KCNT2: variants seen among roughly 807,000 people sequenced by gnomAD.
KCNT2 encodes potassium channel subfamily T member 2.
Under a neutral mutation model 153.8 loss-of-function variants are expected in KCNT2, and 67 were observed. The observed-to-expected ratio is 0.44, with a 90% CI of 0.36 to 0.53. The LOEUF (loss-of-function observed/expected upper bound fraction) is 0.53. Ranked by LOEUF, KCNT2 falls within the 20% of genes least tolerant of loss-of-function variation. KCNT2 has a pLI of 0.00. For synonymous variants in KCNT2, 500 were observed against 458.8 expected, an observed-to-expected ratio of 1.09 and a Z score of -1.15; for missense variants, 975 against 1,354.8, an observed-to-expected ratio of 0.72 and a Z score of 4.40.
chr1:196,388,300 A>G (rs1375245946), intron 13 of KCNT2, among the ~76,000 whole-genome samples: 1 of 151,722 alleles, frequency 6.6e-6, no homozygotes, highest in Non-Finnish European at 1.5e-5. Context: ...TGTCTTTAAT[A>G]CTTTAGTATT....
At chr1:196,342,344 C>A (rs1665722515) in intron 14 of KCNT2, 116 bp from the exon 15 acceptor site, 1 of 742,906 alleles carries the variant, frequency 1.3e-6, no homozygotes, top group Admixed American at 3.7e-5. Context: ...CAAGCACAAT[C>A]CAAAGGAGCA....
chr1:196,435,139 G>GTGTATA (rs1553326057), intron 8 of KCNT2, among the ~76,000 whole-genome samples: 2 of 45,722 alleles, frequency 4.4e-5, no homozygotes, highest in African/African-American at 1.8e-4. Flanking sequence ...GTGTGTGTAT[G>GTGTATA]TATATATATA....
chr1:196,581,039 A>G lies in KCNT2; in HGVS notation c.95+27176T>C, dbSNP rs558039935. ...ACAGGTAATTTCTTCTCAAGAAATC[A>G]TCTTGACTATAGCTGCTACAGCTAT... On this transcript the variant is annotated intron_variant, in intron 1 of 27. Transcript: ENST00000294725. Among the ~76,000 whole-genome samples the G allele has an allele frequency of 8.5e-5, 13 of 152,290 alleles. No homozygotes were observed. The East Asian group carries it at 1.2e-3, about 14-fold the overall frequency.
In KCNT2 at chr1:196,316,876, T is replaced by A. The variant is rs1662778232; in HGVS notation, c.2349-850A>T. ...ACTAGAAAAGTAGAACTGAATTGGATAATGGAGACTAAACTTGAATGAGTA... is the reference window on the plus strand; with the variant it reads ...ACTAGAAAAGTAGAACTGAATTGGAAAATGGAGACTAAACTTGAATGAGTA... On this transcript the variant is annotated intron_variant, in intron 20 of 27. Transcript: ENST00000294725. 2.0e-5 allele frequency among the ~76,000 whole-genome samples: 3 copies of A among 151,726 alleles called. No individual in the cohort carries two copies. The South Asian group carries it at 6.2e-4, about 31-fold the overall frequency.
chr1:196,563,281 T>C (rs1659657266), intron 1 of KCNT2, among the ~76,000 whole-genome samples: 1 of 151,768 alleles, frequency 6.6e-6, no homozygotes, highest in African/African-American at 2.4e-5. Context: ...TTCCAATCAC[T>C]AGTAATGAAG....
chr1:196,339,566 G>A (rs1665410765), intron 16 of KCNT2, among the ~76,000 whole-genome samples: 1 of 151,586 alleles, frequency 6.6e-6, no homozygotes, highest in South Asian at 2.1e-4. Flanking sequence ...GAGACACAGA[G>A]AGAGAGAGAT....
intron 1 of KCNT2, among the ~76,000 whole-genome samples, chr1:196,579,639 T>C (rs1170006760): frequency 1.3e-5 from 2 of 151,896 alleles, no homozygotes; most frequent in Non-Finnish European, 2.9e-5. Flanking sequence ...ATTACAAGCA[T>C]GTGCCACCAC....
intron 14 of KCNT2, among the ~76,000 whole-genome samples, chr1:196,372,460 A>C (rs779084150): frequency 5.9e-5 from 9 of 151,924 alleles, no homozygotes; most frequent in Non-Finnish European, 1.0e-4. Context: ...AATGAAGTAC[A>C]TTTGTCTCTT....
At chr1:196,294,513 A>T (rs1440093832) in intron 22 of KCNT2, among the ~76,000 whole-genome samples, 3 of 151,890 alleles carry the variant, frequency 2.0e-5, no homozygotes, top group Non-Finnish European at 2.9e-5. Context: ...TGACCTCATG[A>T]TCCACCCGCC....
At chr1:196,506,645 T>G (rs1361442156) in intron 1 of KCNT2, among the ~76,000 whole-genome samples, 2 of 152,136 alleles carry the variant, frequency 1.3e-5, no homozygotes, top group Non-Finnish European at 2.9e-5. Context: ...CCTTTAAAGA[T>G]CTGCCTAATA....
chr1:196,391,596 A>G (rs1178594386), intron 13 of KCNT2, among the ~76,000 whole-genome samples: 1 of 151,416 alleles, frequency 6.6e-6, no homozygotes, highest in Non-Finnish European at 1.5e-5. Flanking sequence ...CCCACAAGAA[A>G]ATGTCTCAAA....
chr1:196,437,967 T>C (rs1320260343), intron 8 of KCNT2, among the ~76,000 whole-genome samples: 2 of 151,444 alleles, frequency 1.3e-5, no homozygotes, highest in Non-Finnish European at 3.0e-5. Context: ...TTACTAATAA[T>C]ATCATAAATT....
intron 1 of KCNT2, among the ~76,000 whole-genome samples, chr1:196,523,092 C>T (rs951457157): frequency 3.3e-5 from 5 of 152,220 alleles, no homozygotes; most frequent in Non-Finnish European, 1.5e-5. Context: ...CTGCGAAGGC[C>T]TGCAGCTTCA....
At chr1:196,316,456 T>G (rs1029266576) in intron 20 of KCNT2, among the ~76,000 whole-genome samples, 4 of 151,722 alleles carry the variant, frequency 2.6e-5, no homozygotes, top group Non-Finnish European at 5.9e-5. Flanking sequence ...CTATGTTAAT[T>G]TAGATGGTCA....
intron 13 of KCNT2, among the ~76,000 whole-genome samples, chr1:196,392,939 T>C (rs546405091): frequency 2.6e-5 from 4 of 151,600 alleles, no homozygotes; most frequent in Non-Finnish European, 5.9e-5. Flanking sequence ...AACTAACTCC[T>C]ACTGTTCTGG....
intron 1 of KCNT2, among the ~76,000 whole-genome samples, chr1:196,600,748 A>T (rs565200351): frequency 6.6e-6 from 1 of 152,334 alleles, no homozygotes; most frequent in Admixed American, 6.5e-5. Context: ...TTGTTTATTC[A>T]TAAAATTTGG....
At chr1:196,478,874 G>T (rs940911358) in intron 5 of KCNT2, among the ~76,000 whole-genome samples, 5 of 152,034 alleles carry the variant, frequency 3.3e-5, no homozygotes, top group African/African-American at 1.2e-4. Context: ...TCAATATTTT[G>T]TGTACAAATC....
At chr1:196,373,959 G>A (rs1211329314) in intron 13 of KCNT2, among the ~76,000 whole-genome samples, 1 of 151,794 alleles carries the variant, frequency 6.6e-6, no homozygotes, top group East Asian at 1.9e-4. Context: ...GAGCACATGG[G>A]AAAGTGCAGG....
chr1:196,492,198 C>A, intron 2 of KCNT2, 64 bp downstream of exon 2: 1 of 1,338,500 alleles, frequency 7.5e-7, no homozygotes, highest in Non-Finnish European at 9.8e-7. Flanking sequence ...CAAAAGATCA[C>A]ACAGTTGAAA....
Sources: allele counts gnomAD v4.1 joint callset (sites outside exome capture counted in the v4.1 genomes callset), GRCh38; gene constraint gnomAD v4.1.1; transcripts MANE v1.5; gene names NCBI Gene and HGNC (gene_info 2026-07-23, HGNC 2026-07-21).